LRFN5: variants seen among roughly 807,000 people sequenced by gnomAD.
The protein encoded by LRFN5 is leucine-rich repeat and fibronectin type-III domain-containing protein 5.
In LRFN5, 24 loss-of-function variants were observed where a neutral mutation model predicts 45.6. The ratio of observed to expected loss-of-function variants is 0.53; its 90% CI spans 0.38 to 0.74. LRFN5 has a LOEUF of 0.74. Among genes scored for constraint, LRFN5 ranks in the 30% least tolerant of loss-of-function variants. LRFN5 has a pLI of 0.00. For missense variants in LRFN5, 776 were observed against 861.5 expected, an observed-to-expected ratio of 0.90 and a Z score of 1.24; for synonymous variants, 340 against 313.8, an observed-to-expected ratio of 1.08 and a Z score of -0.88.
intron 2 of LRFN5, among the ~76,000 whole-genome samples, chr14:41,801,171 T>G (rs530996202): frequency 1.4e-4 from 21 of 152,134 alleles, no homozygotes; most frequent in African/African-American, 5.1e-4. Flanking sequence ...TTCTCGTACT[T>G]AGCACTAAAT....
At position 41,887,219 on chromosome 14, in the gene LRFN5, T is replaced by C. The variant is rs1448844632; in HGVS notation, c.594T>C (p.Thr198=). 2.1e-5 allele frequency: 34 copies of C among 1,614,078 alleles called. No individual in the cohort carries two copies. Among genetic ancestry groups the C allele is most frequent in the African/African-American group, 2.7e-5 (2 of 74,926 alleles). ...CCTTCTCCCATTTGCACAAGATGACTCGGTTAGATGTGACATCAAATAAAT... is the reference window on the plus strand; with the variant it reads ...CCTTCTCCCATTTGCACAAGATGACCCGGTTAGATGTGACATCAAATAAAT... ...KGTFSHLHKM[T]RLDVTSNKLQ... Residue 198 remains threonine (T), a synonymous_variant, in exon 3 of 6, where the codon ACT becomes ACC. Coordinates refer to ENST00000298119, the MANE Select transcript of LRFN5 (RefSeq NM_152447.5). The surrounding 1 kb of genome is among the most constrained non-coding windows in gnomAD (Gnocchi z 4.8).
rs185577705 is a variant in LRFN5, at chr14:41,621,153, T to C, written c.-197+12591T>C. On this transcript the variant is annotated intron_variant, in intron 1 of 5. Coordinates refer to ENST00000298119, the MANE Select transcript of LRFN5 (RefSeq NM_152447.5). ...ACGAAAAAGAAAAGAGTCCTAATTT[T>C]TGAAATATGAAAGAGCCTTTGAAAA... 6.8e-3 allele frequency among the ~76,000 whole-genome samples: 1,033 copies of C among 152,254 alleles called. 8 individuals carry two copies. The highest frequency in any genetic ancestry group is 0.011 in the Non-Finnish European group (726 of 67,990).
rs569647231 is a variant in LRFN5 at position 41,757,351 on chromosome 14, A to C, written c.-196-9503A>C. ...TTTTGTTTGGCTATGCCCTGCCCCCAGAGGTGAAGTCTACAGAGGCAGGCA... is the reference window on the plus strand; with the variant it reads ...TTTTGTTTGGCTATGCCCTGCCCCCCGAGGTGAAGTCTACAGAGGCAGGCA... On this transcript the variant is annotated intron_variant, in intron 1 of 5. Coordinates refer to ENST00000298119, the MANE Select transcript of LRFN5 (RefSeq NM_152447.5). 1.3e-4 allele frequency among the ~76,000 whole-genome samples: 20 copies of C among 152,314 alleles called. No homozygotes were observed. The East Asian group carries it at 3.9e-3, about 30-fold the overall frequency.
At chr14:41,893,624 A>G (rs1216077598) in intron 4 of LRFN5, 1 of 985,252 alleles carries the variant, frequency 1.0e-6, no homozygotes, top group African/African-American at 1.7e-5. Context: ...TTCTGGTAGA[A>G]GCATATACAA....
intron 1 of LRFN5, among the ~76,000 whole-genome samples, chr14:41,670,886 G>T (rs1215027389): frequency 6.6e-6 from 1 of 151,890 alleles, no homozygotes; most frequent in Non-Finnish European, 1.5e-5. Context: ...TTTCTTATAT[G>T]TTCTATTTCA....
intron 2 of LRFN5, among the ~76,000 whole-genome samples, chr14:41,835,694 C>T (rs1888638347): frequency 6.6e-6 from 1 of 152,144 alleles, no homozygotes; most frequent in African/African-American, 2.4e-5. Context: ...CTACTGCACT[C>T]CAGCCTGGCA....
At chr14:41,821,143 A>T (rs1205043149) in intron 2 of LRFN5, among the ~76,000 whole-genome samples, 2 of 151,820 alleles carry the variant, frequency 1.3e-5, no homozygotes, top group African/African-American at 4.8e-5. Context: ...TTTCCAGTAC[A>T]ATGTATAATA....
intron 2 of LRFN5, among the ~76,000 whole-genome samples, chr14:41,868,263 T>G (rs948981346): frequency 2.6e-5 from 4 of 152,126 alleles, no homozygotes; most frequent in Admixed American, 6.6e-5. Context: ...GAATAGCAGA[T>G]GACAAGGTTC....
intron 1 of LRFN5, among the ~76,000 whole-genome samples, chr14:41,765,341 CAAAAAAAAAGGAGGA>C (rs1351911457): frequency 1.4e-5 from 1 of 73,956 alleles, no homozygotes; most frequent in Non-Finnish European, 2.6e-5. Flanking sequence ...GACTCCGTCT[CAAAAAAAAAGGAGGA>C]AAAAAAAAAA....
intron 2 of LRFN5, among the ~76,000 whole-genome samples, chr14:41,779,198 A>T (rs1886397012): frequency 6.6e-6 from 1 of 151,796 alleles, no homozygotes; most frequent in Non-Finnish European, 1.5e-5. Flanking sequence ...GAGAATTTTT[A>T]TTATGAAAAG....
chr14:41,623,335 CATG>C (rs1454820428), intron 1 of LRFN5, among the ~76,000 whole-genome samples: 1 of 152,102 alleles, frequency 6.6e-6, no homozygotes, highest in Admixed American at 6.6e-5. Context: ...AACTTTCCAC[CATG>C]ATGGTAAGTT....
At chr14:41,781,679 A>T (rs1886531714) in intron 2 of LRFN5, among the ~76,000 whole-genome samples, 1 of 151,380 alleles carries the variant, frequency 6.6e-6, no homozygotes, top group South Asian at 2.1e-4. Flanking sequence ...AGAAAGAAAG[A>T]AAGAGAAAGA....
chr14:41,840,156 C>T (rs1356778832), intron 2 of LRFN5, among the ~76,000 whole-genome samples: 1 of 152,076 alleles, frequency 6.6e-6, no homozygotes, highest in African/African-American at 2.4e-5. Flanking sequence ...AAATAATCCA[C>T]AATGTCCTAA....
intron 1 of LRFN5, among the ~76,000 whole-genome samples, chr14:41,708,124 ACTT>A (rs1883141153): frequency 6.6e-6 from 1 of 152,024 alleles, no homozygotes; most frequent in Admixed American, 6.6e-5. Flanking sequence ...TCATATTAGT[ACTT>A]TTTCCATATT....
intron 2 of LRFN5, among the ~76,000 whole-genome samples, chr14:41,855,310 T>C (rs538688226): frequency 3.9e-5 from 6 of 152,178 alleles, no homozygotes; most frequent in South Asian, 2.1e-4. Flanking sequence ...TATTATGTAA[T>C]AAACCTGGAG....
intron 2 of LRFN5, among the ~76,000 whole-genome samples, chr14:41,829,531 C>A (rs925551618): frequency 2.0e-5 from 3 of 151,792 alleles, no homozygotes; most frequent in African/African-American, 7.3e-5. Context: ...AAATTATAAA[C>A]CATATTATCC....
At chr14:41,728,501 A>G (rs986063291) in intron 1 of LRFN5, among the ~76,000 whole-genome samples, 18 of 152,206 alleles carry the variant, frequency 1.2e-4, no homozygotes, top group African/African-American at 4.3e-4. Context: ...AGCAAATTGA[A>G]ACCATCTCCT....
chr14:41,674,277 C>G (rs1446369754), intron 1 of LRFN5, among the ~76,000 whole-genome samples: 2 of 125,982 alleles, frequency 1.6e-5, no homozygotes, highest in Non-Finnish European at 3.3e-5. Flanking sequence ...TAGGGGCGGC[C>G]GGGCAGAGGC....
rs1211292485 is a variant in LRFN5, at chr14:41,867,004, TAC to T, written c.-20-19598_-20-19597del. Among the ~76,000 whole-genome samples, 28 of 152,246 alleles carry T rather than the reference TAC, an allele frequency of 1.8e-4. No individual in the cohort carries two copies. The East Asian group carries it at 5.4e-3, about 29-fold the overall frequency. On this transcript the variant is annotated intron_variant, in intron 2 of 5. Transcript: ENST00000298119. ...ATGTAATTTATCTTACATAGTGAGA[TAC>T]ACAGTCTACAAATCACGAAGAACTG... is the stretch of plus-strand genomic sequence containing the variant.
Sources: gnomAD v4.1 joint callset for allele counts (sites outside exome capture counted in the v4.1 genomes callset) on GRCh38, gnomAD v4.1.1 for gene constraint, Gnocchi (gnomAD v3.1) non-coding constraint, MANE v1.5 for transcripts, NCBI Gene and HGNC (gene_info 2026-07-23, HGNC 2026-07-21) for gene names.